Variants in AKAP19 observed in about 807,000 individuals in gnomAD.
The protein encoded by AKAP19 is small A-kinase anchoring protein.
the AKAP19 span, among the ~76,000 whole-genome samples, chr2:190,094,185 G>A: frequency 6.6e-6 from 1 of 152,174 alleles, no homozygotes; most frequent in East Asian, 1.9e-4. Flanking sequence ...TTGAGCAACA[G>A]GAAAGTATAT....
At chr2:190,096,254 T>A in the AKAP19 span, among the ~76,000 whole-genome samples, 4 of 152,082 alleles carry the variant, frequency 2.6e-5, no homozygotes, top group Non-Finnish European at 4.4e-5. Context: ...AAGAGAAACA[T>A]ACAGGAAAGG....
the AKAP19 span, among the ~76,000 whole-genome samples, chr2:189,903,179 T>C: frequency 1.3e-5 from 2 of 151,930 alleles, no homozygotes; most frequent in Non-Finnish European, 2.9e-5. Flanking sequence ...TTCTGAATAA[T>C]TTTTCTTGAG....
the AKAP19 span, among the ~76,000 whole-genome samples, chr2:190,008,745 CA>C: frequency 4.2e-5 from 4 of 95,828 alleles, no homozygotes; most frequent in African/African-American, 1.1e-4. Flanking sequence ...CACACACACA[CA>C]CACACACACA....
At chr2:190,002,595 G>T in the AKAP19 span, among the ~76,000 whole-genome samples, 1 of 152,002 alleles carries the variant, frequency 6.6e-6, no homozygotes, top group South Asian at 2.1e-4. Flanking sequence ...GAATTCATGG[G>T]GTCTAGATAG....
the AKAP19 span, among the ~76,000 whole-genome samples, chr2:190,075,284 A>C: frequency 6.6e-6 from 1 of 152,198 alleles, no homozygotes; most frequent in African/African-American, 2.4e-5. Flanking sequence ...TACATTTATT[A>C]AAAATGGTTT....
chr2:190,089,313 G>C, the AKAP19 span, among the ~76,000 whole-genome samples: 3 of 151,008 alleles, frequency 2.0e-5, no homozygotes, highest in Non-Finnish European at 4.4e-5. Flanking sequence ...TTGACTCTGG[G>C]GTCCTTCAGA....
the AKAP19 span, among the ~76,000 whole-genome samples, chr2:189,983,602 A>G: frequency 1.3e-5 from 2 of 152,112 alleles, no homozygotes; most frequent in Admixed American, 6.5e-5. Flanking sequence ...GCCCACTTCA[A>G]TGATTGGTGC....
the AKAP19 span, among the ~76,000 whole-genome samples, chr2:190,034,709 G>T: frequency 6.6e-6 from 1 of 151,446 alleles, no homozygotes; most frequent in Non-Finnish European, 1.5e-5. Context: ...AGCCGGGCAT[G>T]GTGGCGCATG....
the AKAP19 span, among the ~76,000 whole-genome samples, chr2:190,058,892 G>C: frequency 6.6e-6 from 1 of 151,918 alleles, no homozygotes; most frequent in African/African-American, 2.4e-5. Context: ...ACACTACTTG[G>C]AGTGATGGGT....
At chr2:189,901,154 T>C in the AKAP19 span, among the ~76,000 whole-genome samples, 2 of 152,296 alleles carry the variant, frequency 1.3e-5, no homozygotes, top group African/African-American at 4.8e-5. Flanking sequence ...AAAAAATTAC[T>C]AATTTATTAT....
At chr2:190,162,035 T>C in the AKAP19 span, among the ~76,000 whole-genome samples, 2 of 152,152 alleles carry the variant, frequency 1.3e-5, no homozygotes, top group Non-Finnish European at 2.9e-5. Context: ...CCTAGGATGC[T>C]CCTTTCTGGT....
the AKAP19 span, among the ~76,000 whole-genome samples, chr2:189,892,628 C>G: frequency 6.6e-6 from 1 of 152,148 alleles, no homozygotes; most frequent in African/African-American, 2.4e-5. Flanking sequence ...TGGGCACCTG[C>G]CAGTTGACAG....
chr2:190,000,145 A>T, the AKAP19 span, among the ~76,000 whole-genome samples: 3 of 152,316 alleles, frequency 2.0e-5, no homozygotes, highest in Admixed American at 2.0e-4. Context: ...TTGGATGACT[A>T]AATTATAACT....
chr2:190,151,874 G>A, the AKAP19 span, among the ~76,000 whole-genome samples: 1 of 152,052 alleles, frequency 6.6e-6, no homozygotes, highest in South Asian at 2.1e-4. Context: ...ATGGTGGCAG[G>A]CGCCTGTAAT....
At chr2:190,013,193 T>C in the AKAP19 span, among the ~76,000 whole-genome samples, 17 of 152,310 alleles carry the variant, frequency 1.1e-4, no homozygotes, top group African/African-American at 4.1e-4. Flanking sequence ...ATGTATTAGT[T>C]ATTTTTACAC....
the AKAP19 span, among the ~76,000 whole-genome samples, chr2:189,900,769 G>T: frequency 6.6e-6 from 1 of 152,156 alleles, no homozygotes; most frequent in South Asian, 2.1e-4. Flanking sequence ...ATAAAGAAAG[G>T]CAGGTTTATT....
chr2:189,943,110 G>A, the AKAP19 span, among the ~76,000 whole-genome samples: 1 of 152,322 alleles, frequency 6.6e-6, no homozygotes, highest in South Asian at 2.1e-4. Context: ...TAATATCAAA[G>A]ACAATGAAGA....
chr2:190,100,933 A>G, the AKAP19 span, among the ~76,000 whole-genome samples: 1 of 152,072 alleles, frequency 6.6e-6, no homozygotes, highest in Admixed American at 6.6e-5. Flanking sequence ...TCTGTAACTC[A>G]CCCTTCCACT....
chr2:190,075,818 A>G, the AKAP19 span, among the ~76,000 whole-genome samples: 3 of 152,004 alleles, frequency 2.0e-5, no homozygotes, highest in Non-Finnish European at 4.4e-5. Context: ...TGGAGTTTTT[A>G]GATTATTTAC....
Sources: allele counts gnomAD v4.1 joint callset (sites outside exome capture counted in the v4.1 genomes callset), GRCh38; gene constraint gnomAD v4.1.1; transcripts MANE v1.5; gene names NCBI Gene and HGNC (gene_info 2026-07-23, HGNC 2026-07-21).